Variants in IDE observed in about 807,000 individuals in gnomAD.
IDE encodes the protein insulin degrading enzyme.
A neutral mutation model predicts 133.2 loss-of-function variants in IDE; 58 were observed. The observed-to-expected ratio is 0.44, with a 90% CI of 0.35 to 0.54. IDE has a LOEUF of 0.54. Among genes scored for constraint, IDE ranks in the 20% least tolerant of loss-of-function variants. The pLI, the probability that IDE is intolerant of heterozygous loss-of-function variation, is 0.00. For missense variants in IDE, 981 were observed against 1,234.0 expected, an observed-to-expected ratio of 0.79 and a Z score of 3.07; for synonymous variants, 396 against 421.3, an observed-to-expected ratio of 0.94 and a Z score of 0.73.
chr10:92,561,410 T>A (rs1050562190), intron 1 of IDE, among the ~76,000 whole-genome samples: 5 of 152,058 alleles, frequency 3.3e-5, no homozygotes, highest in African/African-American at 4.8e-5. Context: ...GATGTGATAA[T>A]CTTCGTAAAC....
At chr10:92,530,130 G>C (rs2135663778) in intron 4 of IDE, among the ~76,000 whole-genome samples, 1 of 152,194 alleles carries the variant, frequency 6.6e-6, no homozygotes, top group African/African-American at 2.4e-5. Context: ...GGAGGCTGAG[G>C]CAGGAGAATT....
chr10:92,534,595 T>C lies in IDE; in HGVS notation c.474A>G (p.Leu158=), dbSNP rs1422192731. The change falls in exon 3 of 25, where the codon CTA becomes CTG. Residue 158 remains leucine, a synonymous_variant. Transcript: ENST00000265986. ...TGCATTACCTGTCTAGGGCACCTTCTAGGTGTTCATGAGAAACATCAAAAT... is the reference window on the plus strand; with the variant it reads ...TGCATTACCTGTCTAGGGCACCTTCCAGGTGTTCATGAGAAACATCAAAAT... The part of the protein sequence containing the change: ...NYYFDVSHEH[L]EGALDRFAQF... 1 of 1,612,686 alleles carries C rather than the reference T, an allele frequency of 6.2e-7. No individual in the cohort carries two copies. Among genetic ancestry groups the C allele is most frequent in the East Asian group, 2.2e-5 (1 of 44,828 alleles).
rs1844842436 is a variant in IDE, at chr10:92,453,482, GGCT to G, written c.*959_*961del. The G allele has an allele frequency of 6.6e-6, 1 of 152,068 alleles. No homozygotes were observed. The highest frequency in any genetic ancestry group is 1.5e-5 in the Non-Finnish European group (1 of 68,010). 9.4% of individuals were successfully genotyped at this position (152,068 alleles called of 1,614,324 possible). ...ATTTCCAAAAAGGTGGCTTTGTATTGGCTGCCTTTTAAATTCATAAAGGGGCAA... is the reference window on the plus strand; with the variant it reads ...ATTTCCAAAAAGGTGGCTTTGTATTGGCCTTTTAAATTCATAAAGGGGCAA... On this transcript the variant is annotated 3_prime_UTR_variant, in exon 25 of 25. Coordinates refer to ENST00000265986, the MANE Select transcript of IDE (RefSeq NM_004969.4).
At chr10:92,571,259 C>CG (rs1843774053) in intron 1 of IDE, among the ~76,000 whole-genome samples, 2 of 152,130 alleles carry the variant, frequency 1.3e-5, no homozygotes, top group South Asian at 4.2e-4. Context: ...AGTGATCCCC[C>CG]CGACCTCGCC....
intron 1 of IDE, among the ~76,000 whole-genome samples, chr10:92,566,642 G>A (rs1843568229): frequency 6.6e-6 from 1 of 151,634 alleles, no homozygotes; most frequent in Admixed American, 6.6e-5. Flanking sequence ...GGGCAGGTGG[G>A]GATGGTTAAT....
intron 9 of IDE, 47 bp downstream of exon 9, chr10:92,507,528 C>T (rs1248169372): frequency 1.0e-6 from 1 of 964,124 alleles, no homozygotes; most frequent in Non-Finnish European, 1.7e-6. Flanking sequence ...TGTATTTGCT[C>T]TTGAAAAACA....
rs951013563 is a variant in IDE at position 92,511,613 on chromosome 10, T to C, written c.785-1451A>G. 2.0e-5 allele frequency among the ~76,000 whole-genome samples: 3 copies of C among 152,176 alleles called. No homozygotes were observed. In the South Asian group the frequency reaches 6.2e-4, roughly 32 times the overall value. On this transcript the variant is annotated intron_variant, in intron 5 of 24. Transcript: ENST00000265986. ...TAAATGACTATTTGAGAGCTGCCTT[T>C]ATATGGTGTAAAATTCTCTTTTGTG...
At chr10:92,573,282 A>G (rs1843876328) in intron 1 of IDE, 3 of 634,096 alleles carry the variant, frequency 4.7e-6, no homozygotes, top group Non-Finnish European at 5.9e-6. Context: ...CATCTCTCGG[A>G]GCTCCGGTTG....
chr10:92,547,269 G>C (rs1450069509), intron 1 of IDE, among the ~76,000 whole-genome samples: 1 of 148,778 alleles, frequency 6.7e-6, no homozygotes, highest in African/African-American at 2.5e-5. Flanking sequence ...TTTTTTAGTA[G>C]AGACAGGGTT....
At chr10:92,481,271 G>GGAGTGTCCTAAAATGCTACATCCA (rs1846591704) in intron 14 of IDE, among the ~76,000 whole-genome samples, 2 of 152,164 alleles carry the variant, frequency 1.3e-5, no homozygotes, top group African/African-American at 4.8e-5. Context: ...ATAATTCCAA[G>GGAGTGTCCTAAAATGCTACATCCA]GAGTGTCCTA....
intron 4 of IDE, among the ~76,000 whole-genome samples, chr10:92,529,323 CA>C (rs1363687360): frequency 2.0e-5 from 3 of 152,236 alleles, no homozygotes; most frequent in Admixed American, 1.3e-4. Flanking sequence ...ACTTCTACTC[CA>C]AAAAATTCAA....
intron 14 of IDE, 55 bp from the exon 15 acceptor site, chr10:92,479,476 A>ATG: frequency 7.1e-7 from 1 of 1,407,956 alleles, no homozygotes; most frequent in Non-Finnish European, 1.0e-6. Flanking sequence ...TCAATGTGAT[A>ATG]TGGCCTTTTG....
rs1231208233 is a variant in IDE at position 92,523,893 on chromosome 10, T to G, written c.661+7855A>C. On this transcript the variant is annotated intron_variant, in intron 4 of 24. Transcript: ENST00000265986. ...AACCCAGTTGCTCCCACAGTGTCGGTAGAGTTATGTTTGGAGAAACAGATC... is the reference window on the plus strand; with the variant it reads ...AACCCAGTTGCTCCCACAGTGTCGGGAGAGTTATGTTTGGAGAAACAGATC... Among the ~76,000 whole-genome samples, 3 of 152,124 alleles carry G rather than the reference T, an allele frequency of 2.0e-5. No homozygotes were observed. In the East Asian group the frequency reaches 5.8e-4, roughly 29 times the overall value.
intron 1 of IDE, among the ~76,000 whole-genome samples, chr10:92,567,765 G>A (rs1843621741): frequency 6.6e-6 from 1 of 152,106 alleles, no homozygotes; most frequent in African/African-American, 2.4e-5. Context: ...CTTGAAGCCA[G>A]GAGTTAGAGA....
chr10:92,567,523 GATTA>G (rs1843611876), intron 1 of IDE, among the ~76,000 whole-genome samples: 1 of 152,166 alleles, frequency 6.6e-6, no homozygotes, highest in African/African-American at 2.4e-5. Context: ...AAAACAGCCA[GATTA>G]ATTAGCCAAA....
In IDE at chr10:92,507,638, CAT is replaced by C. The variant is rs749353444; in HGVS notation, c.1180_1181del (p.Met394ValfsTer29). The stretch of plus-strand genomic sequence containing the variant: ...CACGTAACTTCTGAATGTATTGAAA[CAT>C]GTGCAAAATTATATCTTCAACATGT... ...LLHVEDIILH[M>X]FQYIQKLRAE... On this transcript the variant is annotated frameshift_variant, in exon 9 of 25. Coordinates refer to ENST00000265986, the MANE Select transcript of IDE (RefSeq NM_004969.4). LOFTEE classifies it high-confidence loss of function. 2.9e-5 allele frequency: 46 copies of C among 1,602,734 alleles called. No individual in the cohort carries two copies. Among genetic ancestry groups the C allele is most frequent in the Non-Finnish European group, 3.3e-5 (39 of 1,169,766 alleles).
rs1047053227 is a variant in IDE at position 92,454,155 on chromosome 10, T to C, written c.*289A>G. 4 of 240,548 alleles carry C rather than the reference T, an allele frequency of 1.7e-5. No homozygotes were observed. In the Admixed American group the frequency reaches 2.0e-4, roughly 12 times the overall value. 14.9% of individuals were successfully genotyped at this position (240,548 alleles called of 1,614,324 possible). On this transcript the variant is annotated 3_prime_UTR_variant, in exon 25 of 25. Transcript: ENST00000265986. ...TACAGAATAGGGAAGGAAGATTCTA[T>C]AGGAATATCATTCATTTTAAGCATT... is the stretch of plus-strand genomic sequence containing the variant.
At position 92,531,631 on chromosome 10, in the gene IDE, T is replaced by C. The variant is rs551104928; in HGVS notation, c.661+117A>G. On this transcript the variant is annotated intron_variant, in intron 4 of 24. Coordinates refer to ENST00000265986, the MANE Select transcript of IDE (RefSeq NM_004969.4). ...TGTAAAATATGCCATGAACTGTATA[T>C]GCCATGGGTTATATACATAAATATA... 16 of 383,726 alleles carry C rather than the reference T, an allele frequency of 4.2e-5. No individual in the cohort carries two copies. In the Admixed American group the frequency reaches 4.4e-4, roughly 11 times the overall value. 23.8% of individuals were successfully genotyped at this position (383,726 alleles called of 1,614,324 possible).
chr10:92,546,026 T>A (rs552008106), intron 1 of IDE, among the ~76,000 whole-genome samples: 1 of 152,080 alleles, frequency 6.6e-6, no homozygotes, highest in South Asian at 2.1e-4. Context: ...AACAGTGAAA[T>A]GATAAATTGT....
Sources: gnomAD v4.1 joint callset for allele counts (sites outside exome capture counted in the v4.1 genomes callset) on GRCh38, gnomAD v4.1.1 for gene constraint, MANE v1.5 for transcripts, NCBI Gene and HGNC (gene_info 2026-07-23, HGNC 2026-07-21) for gene names.